Variants in PLEKHH2 observed in about 807,000 individuals in gnomAD.
PLEKHH2 encodes pleckstrin homology domain-containing family H member 2.
PLEKHH2 carries 129 observed loss-of-function variants against 187.9 expected under a neutral mutation model. The ratio of observed to expected loss-of-function variants is 0.69; its 90% CI spans 0.59 to 0.79. The LOEUF (loss-of-function observed/expected upper bound fraction) is 0.79. Among genes scored for constraint, PLEKHH2 ranks in the 30% least tolerant of loss-of-function variants. PLEKHH2 has a pLI of 0.00. For synonymous variants in PLEKHH2, 686 were observed against 605.6 expected (o/e 1.13, Z -1.95); for missense variants, 2,076 against 1,751.2 (o/e 1.19, Z -3.31).
intron 2 of PLEKHH2, among the ~76,000 whole-genome samples, chr2:43,677,505 A>C (rs2104420105): frequency 6.6e-6 from 1 of 152,158 alleles, no homozygotes; most frequent in African/African-American, 2.4e-5. Context: ...CAGAGAGCAC[A>C]GGGTTGGGGG....
rs369361234 is a variant in PLEKHH2, at chr2:43,742,250, C to G, written c.3222-491C>G. 1.7e-4 allele frequency among the ~76,000 whole-genome samples: 26 copies of G among 152,208 alleles called. 1 individual carries two copies. The highest frequency in any genetic ancestry group is 6.0e-4 in the African/African-American group (25 of 41,528). On this transcript the variant is annotated intron_variant, in intron 21 of 29. Transcript: ENST00000282406. ...CTCTCGACCTCAGGTGATCTGCCCA[C>G]TTCAGCCTCCCAAAGTGCTGGGATT...
intron 3 of PLEKHH2, among the ~76,000 whole-genome samples, chr2:43,687,810 T>G (rs1668593156): frequency 6.6e-6 from 1 of 152,182 alleles, no homozygotes; most frequent in African/African-American, 2.4e-5. Context: ...AATTATTTTT[T>G]TTTCAAGACA....
chr2:43,705,280 G>A (rs1391637747), intron 9 of PLEKHH2, among the ~76,000 whole-genome samples: 1 of 89,582 alleles, frequency 1.1e-5, no homozygotes, highest in Non-Finnish European at 2.3e-5. Context: ...TTTTGAGGCA[G>A]CGTCTTACTC....
chr2:43,763,219 C>T (rs1169495272), intron 28 of PLEKHH2, among the ~76,000 whole-genome samples: 1 of 152,094 alleles, frequency 6.6e-6, no homozygotes, highest in Non-Finnish European at 1.5e-5. Flanking sequence ...AAAACCTATA[C>T]ACCAGTACTA....
At chr2:43,729,881 A>G in intron 18 of PLEKHH2, 136 bp downstream of exon 18, 1 of 514,260 alleles carries the variant, frequency 1.9e-6, no homozygotes, top group Middle Eastern at 3.4e-4. Context: ...TTTGCTCATC[A>G]TGGGAGAGAA....
intron 2 of PLEKHH2, chr2:43,675,690 A>G (rs752918514): frequency 1.2e-6 from 2 of 1,613,928 alleles, no homozygotes; most frequent in Non-Finnish European, 1.7e-6. Context: ...ATAACTTCCA[A>G]ATCACACTTT....
At chr2:43,756,263 T>C (rs1558626960) in intron 25 of PLEKHH2, among the ~76,000 whole-genome samples, 1 of 151,964 alleles carries the variant, frequency 6.6e-6, no homozygotes, top group Non-Finnish European at 1.5e-5. Context: ...GGAGAGACCC[T>C]CAAAAAGTCC....
chr2:43,763,446 G>T (rs994239626), intron 28 of PLEKHH2, among the ~76,000 whole-genome samples: 1 of 151,768 alleles, frequency 6.6e-6, no homozygotes, highest in Non-Finnish European at 1.5e-5. Flanking sequence ...TTGAGGCAGG[G>T]TCTTATTCTG....
chr2:43,693,350 T>C (rs1668916414), intron 4 of PLEKHH2, among the ~76,000 whole-genome samples: 1 of 152,234 alleles, frequency 6.6e-6, no homozygotes, highest in Non-Finnish European at 1.5e-5. Context: ...TTATAGAACA[T>C]TACATTTTAA....
At chr2:43,705,606 T>G (rs917617964) in intron 9 of PLEKHH2, among the ~76,000 whole-genome samples, 2 of 152,166 alleles carry the variant, frequency 1.3e-5, no homozygotes, top group Admixed American at 1.3e-4. Flanking sequence ...TGATAAAGGC[T>G]TAAGAACAGT....
At chr2:43,719,817 A>G (rs1294497134) in intron 15 of PLEKHH2, among the ~76,000 whole-genome samples, 1 of 152,242 alleles carries the variant, frequency 6.6e-6, no homozygotes, top group African/African-American at 2.4e-5. Flanking sequence ...TGTGGAAACT[A>G]TGAAATATAC....
chr2:43,638,163 T>C (rs751706410), intron 1 of PLEKHH2, among the ~76,000 whole-genome samples: 1 of 152,062 alleles, frequency 6.6e-6, no homozygotes, highest in Non-Finnish European at 1.5e-5. Flanking sequence ...GGGCAGGCGT[T>C]GCCCAAGTGG....
At chr2:43,724,558 G>A (rs902247978) in intron 16 of PLEKHH2, among the ~76,000 whole-genome samples, 2 of 152,136 alleles carry the variant, frequency 1.3e-5, no homozygotes, top group African/African-American at 4.8e-5. Flanking sequence ...ATATAAATTG[G>A]CTTTAGGAAG....
intron 16 of PLEKHH2, among the ~76,000 whole-genome samples, chr2:43,725,555 CG>C (rs1670698521): frequency 1.3e-5 from 2 of 152,236 alleles, no homozygotes; most frequent in South Asian, 4.1e-4. Flanking sequence ...CTTTGAGCTG[CG>C]TTTTTAAAAA....
chr2:43,675,747 C>G, intron 2 of PLEKHH2: 1 of 1,613,726 alleles, frequency 6.2e-7, no homozygotes, highest in Non-Finnish European at 8.5e-7. Flanking sequence ...TAAGTCTTTT[C>G]ATCAACTCTC....
intron 2 of PLEKHH2, chr2:43,675,268 A>G (rs1667686127): frequency 3.2e-6 from 2 of 627,778 alleles, no homozygotes; most frequent in Non-Finnish European, 5.1e-6. Context: ...CTAATAATAT[A>G]TGAATTATTG....
At chr2:43,678,724 GGGTAGA>G (rs1288731878) in intron 2 of PLEKHH2, 133 bp from the exon 3 acceptor site, 45 of 456,598 alleles carry the variant, frequency 9.9e-5, no homozygotes, top group South Asian at 3.6e-4. Context: ...GGGAGACCGT[GGGTAGA>G]GGTGGAAGTG....
chr2:43,752,593 T>C (rs975479724), intron 24 of PLEKHH2, among the ~76,000 whole-genome samples: 6 of 152,164 alleles, frequency 3.9e-5, no homozygotes, highest in Non-Finnish European at 8.8e-5. Context: ...ATAGCCAAAC[T>C]GAGCACACAC....
chr2:43,675,740 G>C, intron 2 of PLEKHH2: 1 of 1,613,816 alleles, frequency 6.2e-7, no homozygotes, highest in African/African-American at 1.3e-5. Context: ...AGTCTGTTAA[G>C]TCTTTTCATC....
Sources: allele counts gnomAD v4.1 joint callset (sites outside exome capture counted in the v4.1 genomes callset), GRCh38; gene constraint gnomAD v4.1.1; transcripts MANE v1.5; gene names NCBI Gene and HGNC (gene_info 2026-07-23, HGNC 2026-07-21).